Variants in HDAC8 observed in about 807,000 individuals in gnomAD.
HDAC8 encodes the protein histone deacetylase-like 1.
Under a neutral mutation model 32.2 loss-of-function variants are expected in HDAC8, and 1 was observed. The observed-to-expected ratio is 0.03, with a 90% confidence interval of 0.01 to 0.15. The LOEUF (loss-of-function observed/expected upper bound fraction) is 0.15, where lower values mean the gene tolerates loss of function less well. Among genes scored for constraint, HDAC8 ranks in the 10% least tolerant of loss-of-function variants. The pLI, the probability that HDAC8 is intolerant of heterozygous loss-of-function variation, is 1.00. For synonymous variants in HDAC8, 108 were observed against 113.9 expected (o/e 0.95, Z 0.33); for missense variants, 117 against 300.0 (o/e 0.39, Z 4.51).
intron 7 of HDAC8, among the ~76,000 whole-genome samples, chrX:72,481,545 A>C (rs2048505587): frequency 9.0e-6 from 1 of 111,002 alleles, no homozygotes; most frequent in Non-Finnish European, 1.9e-5. Flanking sequence ...CCACATCACC[A>C]GGCCTAAAGG....
chrX:72,496,869 A>G (rs1449263370), intron 4 of HDAC8, among the ~76,000 whole-genome samples: 4 of 111,770 alleles, frequency 3.6e-5, no homozygotes, highest in African/African-American at 1.3e-4. Context: ...GAAAAGCTAT[A>G]GACAAAATTG....
chrX:72,562,761 C>T (rs1425777588), intron 4 of HDAC8, among the ~76,000 whole-genome samples: 3 of 110,785 alleles, frequency 2.7e-5, no homozygotes, highest in Non-Finnish European at 5.7e-5. Context: ...AATAATTCTG[C>T]CACTATATTA....
At chrX:72,528,571 T>C (rs1473025024) in intron 4 of HDAC8, among the ~76,000 whole-genome samples, 1 of 111,817 alleles carries the variant, frequency 8.9e-6, no homozygotes, top group Admixed American at 9.4e-5. Flanking sequence ...AGAGGGCATC[T>C]CAGCAGCAGA....
intron 9 of HDAC8, among the ~76,000 whole-genome samples, chrX:72,390,891 C>T (rs1404239695): frequency 9.0e-6 from 1 of 111,572 alleles, no homozygotes; most frequent in Non-Finnish European, 1.9e-5. Context: ...AAAAATTTAT[C>T]GTTACCCTAA....
intron 9 of HDAC8, among the ~76,000 whole-genome samples, chrX:72,383,017 G>A (rs907949408): frequency 1.8e-5 from 2 of 112,011 alleles, no homozygotes; most frequent in Non-Finnish European, 3.8e-5. Flanking sequence ...TATAGGAGAA[G>A]GATGTAAAAG....
rs782819595 is a variant in HDAC8, at chrX:72,525,096, G to C, written c.438-29828C>G. Among the ~76,000 whole-genome samples the C allele has an allele frequency of 5.3e-5, 6 of 112,324 alleles. No individual in the cohort carries two copies. The South Asian group carries it at 2.2e-3, about 42-fold the overall frequency. ...TACTAGTGCCACCACTGATCTGACA[G>C]AAGGCAGAGCTCAAGCAGTAATGCT... On this transcript the variant is annotated intron_variant, in intron 4 of 10. Transcript: ENST00000373573.
intron 9 of HDAC8, among the ~76,000 whole-genome samples, chrX:72,363,342 G>C (rs1156437615): frequency 2.7e-5 from 3 of 111,815 alleles, no homozygotes; most frequent in African/African-American, 6.5e-5. Flanking sequence ...GAAGAAGGAA[G>C]GGTATAGGGA....
At chrX:72,534,315 A>ATTT (rs1389411819) in intron 4 of HDAC8, among the ~76,000 whole-genome samples, 61 of 94,024 alleles carry the variant, frequency 6.5e-4, no homozygotes, top group East Asian at 3.2e-3. Context: ...ATATATATAT[A>ATTT]TTTTTTTTTT....
chrX:72,451,322 G>A (rs1479773706), intron 9 of HDAC8, among the ~76,000 whole-genome samples: 4 of 110,429 alleles, frequency 3.6e-5, no homozygotes, highest in South Asian at 7.8e-4. Context: ...TCAGCCACCC[G>A]AGTAGCTGGG....
intron 7 of HDAC8, among the ~76,000 whole-genome samples, chrX:72,488,002 T>C (rs2048736290): frequency 1.8e-5 from 2 of 110,768 alleles, no homozygotes; most frequent in Non-Finnish European, 3.8e-5. Flanking sequence ...TGATCAAAAT[T>C]ATGAAGAGGC....
chrX:72,336,615 G>A (rs1317200850), intron 10 of HDAC8, among the ~76,000 whole-genome samples: 1 of 110,989 alleles, frequency 9.0e-6, no homozygotes, highest in African/African-American at 3.3e-5. Flanking sequence ...ATGGGGTCTT[G>A]CTATGCTGCC....
At chrX:72,474,642 C>A in intron 7 of HDAC8, 1 of 1,200,250 alleles carries the variant, frequency 8.3e-7, no homozygotes, top group Non-Finnish European at 1.1e-6. Flanking sequence ...ATTCAGCAGT[C>A]TAGTTTTCAG....
chrX:72,391,130 C>T (rs2045601454), intron 9 of HDAC8, among the ~76,000 whole-genome samples: 2 of 112,066 alleles, frequency 1.8e-5, no homozygotes, highest in African/African-American at 3.2e-5. Flanking sequence ...TGGACATCAA[C>T]TCCTATGTCA....
At chrX:72,534,698 A>G (rs782739974) in intron 4 of HDAC8, among the ~76,000 whole-genome samples, 1 of 112,083 alleles carries the variant, frequency 8.9e-6, no homozygotes, top group South Asian at 3.7e-4. Flanking sequence ...AAATAAATGG[A>G]AAGAAGTTAT....
At chrX:72,337,371 A>G (rs782653469) in intron 10 of HDAC8, among the ~76,000 whole-genome samples, 2 of 111,898 alleles carry the variant, frequency 1.8e-5, no homozygotes, top group Non-Finnish European at 3.8e-5. Flanking sequence ...GAACTTAGCC[A>G]CATGTGGCTA....
chrX:72,419,085 C>T (rs782681309), intron 9 of HDAC8, among the ~76,000 whole-genome samples: 54 of 111,362 alleles, frequency 4.8e-4, no homozygotes, highest in African/African-American at 1.7e-3. Context: ...TGTCCTTTTT[C>T]AAGAATGTTT....
At chrX:72,397,068 C>T (rs781795408) in intron 9 of HDAC8, among the ~76,000 whole-genome samples, 2 of 110,615 alleles carry the variant, frequency 1.8e-5, no homozygotes, top group Non-Finnish European at 3.8e-5. Flanking sequence ...GCTGGCACAT[C>T]ACATGGTGAA....
intron 9 of HDAC8, among the ~76,000 whole-genome samples, chrX:72,451,179 G>A (rs180950484): frequency 2.7e-5 from 3 of 110,187 alleles, no homozygotes; most frequent in Admixed American, 1.9e-4. Flanking sequence ...TATTACAGTC[G>A]ATGTTCTTTC....
intron 4 of HDAC8, among the ~76,000 whole-genome samples, chrX:72,501,255 A>T (rs1404118854): frequency 8.9e-6 from 1 of 111,976 alleles, no homozygotes; most frequent in African/African-American, 3.3e-5. Flanking sequence ...TTCTTCACAG[A>T]ACTAGAAAAA....
Sources: gnomAD v4.1 joint callset for allele counts (sites outside exome capture counted in the v4.1 genomes callset) on GRCh38, gnomAD v4.1.1 for gene constraint, MANE v1.5 for transcripts, NCBI Gene and HGNC (gene_info 2026-07-23, HGNC 2026-07-21) for gene names.